FANCA: variants seen among roughly 807,000 people sequenced by gnomAD.
FANCA encodes Fanconi anemia group A protein.
In FANCA, 236 loss-of-function variants were observed where a neutral mutation model predicts 194.3. The observed-to-expected ratio is 1.21, with a 90% confidence interval of 1.09 to 1.35. The LOEUF (loss-of-function observed/expected upper bound fraction) is 1.35. FANCA is among the 40% of genes most tolerant of loss of function. The pLI, the probability that FANCA is intolerant of heterozygous loss-of-function variation, is 0.00. For synonymous variants in FANCA, 1,014 were observed against 715.8 expected, an observed-to-expected ratio of 1.42 and a Z score of -6.65; for missense variants, 2,628 against 1,813.9, an observed-to-expected ratio of 1.45 and a Z score of -8.15.
At chr16:89,766,924 G>A (rs987993111) in intron 27 of FANCA, among the ~76,000 whole-genome samples, 2 of 152,104 alleles carry the variant, frequency 1.3e-5, no homozygotes, top group Non-Finnish European at 2.9e-5. Context: ...AGAACACAAG[G>A]AAAGGCAGCA....
chr16:89,804,802 G>A (rs546779666), intron 7 of FANCA, among the ~76,000 whole-genome samples: 2 of 152,114 alleles, frequency 1.3e-5, no homozygotes, highest in Non-Finnish European at 1.5e-5. Flanking sequence ...GGGAGGCCGA[G>A]GGGGGTGCAT....
At position 89,764,923 on chromosome 16, in the gene FANCA, G is replaced by C. The variant is rs781543214; in HGVS notation, c.2745C>G (p.Thr915=). 6.2e-7 allele frequency: 1 copy of C among 1,614,208 alleles called. No homozygotes were observed. Among genetic ancestry groups the C allele is most frequent in the Non-Finnish European group, 8.5e-7 (1 of 1,180,028 alleles). ...RAALSLWTHR[T]FREVLKEEDV... ...CTTCCTCTTTCAACACCTCTCGGAA[G>C]GTTCTGTGTGTCCAGAGAGAGAGGG... Residue 915 remains threonine (T), a synonymous_variant, in exon 28 of 43, where the codon ACC becomes ACG. Transcript: ENST00000389301.
In FANCA at chr16:89,791,394, G is replaced by A. The variant is rs375487246; in HGVS notation, c.1359+9C>T. The A allele has an allele frequency of 3.1e-6, 5 of 1,613,630 alleles. No homozygotes were observed. The highest frequency in any genetic ancestry group is 1.6e-4 in the Middle Eastern group (1 of 6,062). On this transcript the variant is annotated intron_variant, in intron 14 of 42. Transcript: ENST00000389301. ...CAGGTATTAGGTAGCCGATTGGCAG[G>A]TCACTTACCTTGAACCAGTCTGCAT...
In FANCA at chr16:89,747,179, G is replaced by C. The variant is rs142931037; in HGVS notation, c.3349-289C>G. 2.0e-5 allele frequency among the ~76,000 whole-genome samples: 3 copies of C among 152,300 alleles called. No homozygotes were observed. In the East Asian group the frequency reaches 5.8e-4, roughly 29 times the overall value. ...AGGCACAAGCAGCCGCAGGGAAGGG[G>C]ACGCACCCGGAGCGTAGAACTGTGG... is the stretch of plus-strand genomic sequence containing the variant. On this transcript the variant is annotated intron_variant, in intron 33 of 42. Coordinates refer to ENST00000389301, the MANE Select transcript of FANCA (RefSeq NM_000135.4).
chr16:89,738,288 G>A lies in FANCA; in HGVS notation c.*313C>T, dbSNP rs748269284. On this transcript the variant is annotated 3_prime_UTR_variant, in exon 43 of 43. Coordinates refer to ENST00000389301, the MANE Select transcript of FANCA (RefSeq NM_000135.4). Reference sequence around the variant, plus strand: ...GAGCACCTCTAGCAGCCTGGACTCCGCAGTGGCTGTGTCAGCCTCACCCTT... The same window carrying A: ...GAGCACCTCTAGCAGCCTGGACTCCACAGTGGCTGTGTCAGCCTCACCCTT... 62 of 1,548,436 alleles carry A rather than the reference G, an allele frequency of 4.0e-5. No individual in the cohort carries two copies. Among genetic ancestry groups the A allele is most frequent in the Non-Finnish European group, 5.1e-5 (58 of 1,148,310 alleles).
intron 11 of FANCA, among the ~76,000 whole-genome samples, chr16:89,793,081 C>G (rs2040131783): frequency 6.6e-6 from 1 of 152,096 alleles, no homozygotes; most frequent in East Asian, 1.9e-4. Context: ...GGTTAGGCCT[C>G]CGGATAACTG....
chr16:89,761,631 C>T (rs913498461), intron 29 of FANCA, among the ~76,000 whole-genome samples: 1 of 151,986 alleles, frequency 6.6e-6, no homozygotes, highest in African/African-American at 2.4e-5. Context: ...AAGGGAAGCT[C>T]CTTTTTCTTT....
chr16:89,805,179 G>C lies in FANCA; in HGVS notation c.709+101C>G. On this transcript the variant is annotated intron_variant, in intron 7 of 42. Coordinates refer to ENST00000389301, the MANE Select transcript of FANCA (RefSeq NM_000135.4). ...CATGCCAGGTTCCCACGGCCACGGA[G>C]AGACAGGCTGTTCTGCCTCGCAGAG... 3.4e-6 allele frequency: 3 copies of C among 892,806 alleles called. No individual in the cohort carries two copies. The Admixed American group carries it at 6.0e-5, about 18-fold the overall frequency. The allele number at this position is 892,806 out of a possible 1,614,324, so 55.3% of individuals were successfully genotyped here. A position where few individuals can be genotyped will look rare whatever the true frequency, so the allele number is the denominator to read the frequency against.
chr16:89,804,610 A>G (rs12929001), intron 7 of FANCA, among the ~76,000 whole-genome samples: 10,538 of 152,082 alleles, frequency 0.069, 991 homozygotes, highest in African/African-American at 0.21. Context: ...ACTCTGGTCC[A>G]AGCCATCTTC....
At chr16:89,776,512 G>A (rs1251697248) in intron 20 of FANCA, among the ~76,000 whole-genome samples, 2 of 150,704 alleles carry the variant, frequency 1.3e-5, no homozygotes, top group African/African-American at 4.9e-5. Flanking sequence ...TAAGAAAAAC[G>A]TTTAGTTCGT....
rs747322973 is a variant in FANCA, at chr16:89,791,481, C to A, written c.1281G>T (p.Met427Ile). 2 of 1,614,062 alleles carry A rather than the reference C, an allele frequency of 1.2e-6. No homozygotes were observed. The highest frequency in any genetic ancestry group is 1.7e-6 in the Non-Finnish European group (2 of 1,180,032). ...GGCGCACAACCAGGAACGCAGTGAC[C>A]ATGCTGTCCAGCTGGCAGCTCTCGA... Reference protein sequence around the residue: ...QAFESCQLDSMVTAFLVVRQA... With the variant: ...QAFESCQLDSIVTAFLVVRQA... Residue 427 changes from methionine (M) to isoleucine (I), a missense_variant, in exon 14 of 43, where the codon ATG (methionine) becomes ATT (isoleucine). Coordinates refer to ENST00000389301, the MANE Select transcript of FANCA (RefSeq NM_000135.4).
chr16:89,808,237 A>G (rs2040738765), intron 6 of FANCA, 57 bp downstream of exon 6: 1 of 1,539,110 alleles, frequency 6.5e-7, no homozygotes, highest in Non-Finnish European at 9.0e-7. Flanking sequence ...TTGAAATATA[A>G]TTTATACTAG....
chr16:89,743,885 C>A (rs1055549293), intron 36 of FANCA, among the ~76,000 whole-genome samples: 1 of 151,542 alleles, frequency 6.6e-6, no homozygotes, highest in African/African-American at 2.4e-5. Flanking sequence ...AGAATTAGAA[C>A]TGGAGGTGTG....
chr16:89,811,259 C>G (rs1490936969), intron 3 of FANCA, among the ~76,000 whole-genome samples, 188 bp from the exon 4 acceptor site: 3 of 152,174 alleles, frequency 2.0e-5, no homozygotes, highest in East Asian at 1.9e-4. Context: ...AAGCAGCTCA[C>G]AATAAAACTG....
In FANCA at chr16:89,752,169, G is replaced by A. The variant is rs2038617303; in HGVS notation, c.3035C>T (p.Thr1012Ile). 7.4e-6 allele frequency: 12 copies of A among 1,614,104 alleles called. No individual in the cohort carries two copies. The highest frequency in any genetic ancestry group is 1.6e-4 in the Middle Eastern group (1 of 6,062). The change falls in exon 31 of 43, where the codon ACA becomes ATA. Residue 1012 changes from threonine to isoleucine, a missense_variant. Coordinates refer to ENST00000389301, the MANE Select transcript of FANCA (RefSeq NM_000135.4). ...ENSDLVFGGRTGNEDIISRLQ... is the reference protein window; with the variant it reads ...ENSDLVFGGRIGNEDIISRLQ... ...TCTGGAAATAATATCCTCATTTCCTGTGCGGCCACCAAAGACCAAATCAGA... is the reference window on the plus strand; with the variant it reads ...TCTGGAAATAATATCCTCATTTCCTATGCGGCCACCAAAGACCAAATCAGA...
chr16:89,750,792 C>CA (rs2038561594), intron 31 of FANCA, among the ~76,000 whole-genome samples: 1 of 150,714 alleles, frequency 6.6e-6, no homozygotes, highest in Non-Finnish European at 1.5e-5. Context: ...AACAAAACAA[C>CA]AACAAAAAAA....
intron 10 of FANCA, among the ~76,000 whole-genome samples, chr16:89,797,407 C>T (rs561908164): frequency 5.3e-5 from 8 of 152,132 alleles, no homozygotes; most frequent in African/African-American, 1.2e-4. Flanking sequence ...ACACACCCAA[C>T]GAGGCCACGT....
chr16:89,803,663 G>A (rs1018905389), intron 7 of FANCA, among the ~76,000 whole-genome samples: 5 of 145,760 alleles, frequency 3.4e-5, no homozygotes, highest in Admixed American at 7.2e-5. Context: ...TTGCTCTGTC[G>A]CCTGGGCTTG....
At chr16:89,756,893 A>G (rs1489495416) in intron 30 of FANCA, among the ~76,000 whole-genome samples, 1 of 152,218 alleles carries the variant, frequency 6.6e-6, no homozygotes, top group African/African-American at 2.4e-5. Context: ...CAGGGCTTCT[A>G]TACCACAGGG....
Sources: gnomAD v4.1 joint callset for allele counts (sites outside exome capture counted in the v4.1 genomes callset) on GRCh38, gnomAD v4.1.1 for gene constraint, MANE v1.5 for transcripts, NCBI Gene and HGNC (gene_info 2026-07-23, HGNC 2026-07-21) for gene names.